Variants in HSD17B14 observed in about 807,000 individuals in gnomAD.
HSD17B14 encodes hydroxysteroid 17-beta dehydrogenase 14, also known as L-fucose dehydrogenase.
HSD17B14 carries 32 observed loss-of-function variants against 32.2 expected under a neutral mutation model. That is an observed-to-expected ratio of 0.99 (90% CI 0.75 to 1.33). The LOEUF (loss-of-function observed/expected upper bound fraction) is 1.33. Among genes scored for constraint, HSD17B14 ranks in the 40% most tolerant of loss-of-function variants. HSD17B14 has a pLI of 0.00. For synonymous variants in HSD17B14, 140 were observed against 155.4 expected (o/e 0.90, Z 0.74); for missense variants, 370 against 366.5 (o/e 1.01, Z -0.08).
At chr19:48,825,991 T>G (rs2035238807) in intron 5 of HSD17B14, among the ~76,000 whole-genome samples, 1 of 151,894 alleles carries the variant, frequency 6.6e-6, no homozygotes, top group Non-Finnish European at 1.5e-5. Context: ...CAGCTATTTT[T>G]TTGTATTTTT....
chr19:48,813,250 C>A lies in HSD17B14; in HGVS notation c.738G>T (p.Thr246=), dbSNP rs780594682. 10 of 1,609,004 alleles carry A rather than the reference C, an allele frequency of 6.2e-6. No homozygotes were observed. The highest frequency in any genetic ancestry group is 8.5e-6 in the Non-Finnish European group (10 of 1,177,964). Residue 246 remains threonine (T), a synonymous_variant, in exon 9 of 9, where the codon ACG becomes ACT. Coordinates refer to ENST00000263278, the MANE Select transcript of HSD17B14 (RefSeq NM_016246.3). ...NFCTGIELLV[T]GGAELGYGCK... Reference sequence around the variant, plus strand: ...ACCCGTACCCCAGCTCTGCACCCCCCGTCACGAGCAGTTCAATGCCCGTGC... The same window carrying A: ...ACCCGTACCCCAGCTCTGCACCCCCAGTCACGAGCAGTTCAATGCCCGTGC...
At chr19:48,817,150 C>G (rs2035071041) in intron 5 of HSD17B14, among the ~76,000 whole-genome samples, 1 of 138,516 alleles carries the variant, frequency 7.2e-6, no homozygotes, top group Non-Finnish European at 1.5e-5. Context: ...CCTGGCCTGT[C>G]TTTATTTTTT....
intron 3 of HSD17B14, among the ~76,000 whole-genome samples, chr19:48,833,948 C>T (rs1315484209): frequency 6.6e-6 from 1 of 152,168 alleles, no homozygotes. Context: ...CGAGATCACA[C>T]CACTGCACTC....
chr19:48,834,639 A>G (rs111711758), intron 2 of HSD17B14, among the ~76,000 whole-genome samples: 3 of 35,360 alleles, frequency 8.5e-5, no homozygotes, highest in Non-Finnish European at 1.3e-4. Context: ...AAGGGCTGGG[A>G]GCCTGGACTC....
chr19:48,825,101 G>T (rs1314814417), intron 5 of HSD17B14, among the ~76,000 whole-genome samples: 1 of 151,782 alleles, frequency 6.6e-6, no homozygotes, highest in Non-Finnish European at 1.5e-5. Flanking sequence ...AGCCAGGTGT[G>T]GTGGCGTGTG....
At chr19:48,815,218 C>A in intron 5 of HSD17B14, 77 bp from the exon 6 acceptor site, 5 of 1,109,184 alleles carry the variant, frequency 4.5e-6, no homozygotes, top group Non-Finnish European at 5.5e-6. Context: ...CACAGCCATC[C>A]TGATGTCTGG....
intron 5 of HSD17B14, among the ~76,000 whole-genome samples, chr19:48,816,250 T>C (rs2035049765): frequency 6.6e-6 from 1 of 152,078 alleles, no homozygotes; most frequent in African/African-American, 2.4e-5. Flanking sequence ...TAAGACTAAT[T>C]GGTACAAGGC....
intron 5 of HSD17B14, among the ~76,000 whole-genome samples, chr19:48,830,889 T>C (rs1031247144): frequency 1.9e-5 from 2 of 107,900 alleles, no homozygotes; most frequent in Non-Finnish European, 3.8e-5. Flanking sequence ...GCCCAGGCTG[T>C]ATGCAGTGGT....
intron 5 of HSD17B14, among the ~76,000 whole-genome samples, chr19:48,830,276 AG>A (rs2035315060): frequency 1.3e-5 from 2 of 152,112 alleles, no homozygotes; most frequent in Non-Finnish European, 2.9e-5. Flanking sequence ...CGCAGTTCCC[AG>A]GCAGTCGCCC....
At chr19:48,826,542 T>TATATATATATATACACACACAC in intron 5 of HSD17B14, among the ~76,000 whole-genome samples, 3 of 80,118 alleles carry the variant, frequency 3.7e-5, no homozygotes, top group African/African-American at 1.6e-4. Context: ...TATATATATA[T>TATATATATATATACACACACAC]ACACACACAC....
At chr19:48,821,665 GATA>G (rs1371071244) in intron 5 of HSD17B14, among the ~76,000 whole-genome samples, 4 of 145,896 alleles carry the variant, frequency 2.7e-5, no homozygotes, top group African/African-American at 1.0e-4. Context: ...TGATGATAGT[GATA>G]ATGATGATGA....
chr19:48,813,350 TG>T lies in HSD17B14; in HGVS notation c.640-3del. Reference sequence around the variant, plus strand: ...GGGCTGGCCCATGCGGCCCAGTGGCTGGGGAGAAAAGAGGGGGGAAGGAGGT... The same window carrying T: ...GGGCTGGCCCATGCGGCCCAGTGGCTGGGAGAAAAGAGGGGGGAAGGAGGT... On this transcript the variant is annotated splice_region_variant and splice_polypyrimidine_tract_variant and intron_variant, in intron 8 of 8. Coordinates refer to ENST00000263278, the MANE Select transcript of HSD17B14 (RefSeq NM_016246.3). The T allele has an allele frequency of 6.4e-7, 1 of 1,573,408 alleles. No homozygotes were observed.
rs2035198863 is a variant in HSD17B14, at chr19:48,823,857, T to C, written c.369+7811A>G. Among the ~76,000 whole-genome samples the C allele has an allele frequency of 2.7e-5, 4 of 146,550 alleles. No individual in the cohort carries two copies. In the Admixed American group the frequency reaches 2.7e-4, roughly 10 times the overall value. ...GGTTTCACCATGTTAGCCAGGCTGGTCTTGAACTCCTGACCTCAGGCAATC... is the reference window on the plus strand; with the variant it reads ...GGTTTCACCATGTTAGCCAGGCTGGCCTTGAACTCCTGACCTCAGGCAATC... On this transcript the variant is annotated intron_variant, in intron 5 of 8. Coordinates refer to ENST00000263278, the MANE Select transcript of HSD17B14 (RefSeq NM_016246.3).
intron 5 of HSD17B14, among the ~76,000 whole-genome samples, chr19:48,826,525 G>GAAAAAAAA (rs1418028808): frequency 2.3e-3 from 12 of 5,158 alleles, no homozygotes; most frequent in Non-Finnish European, 8.7e-3. Context: ...AAGAAAAGAA[G>GAAAAAAAA]AAAATATATA....
At chr19:48,833,859 GCA>G (rs2035394705) in intron 3 of HSD17B14, among the ~76,000 whole-genome samples, 1 of 148,062 alleles carries the variant, frequency 6.8e-6, no homozygotes, top group South Asian at 2.2e-4. Context: ...GCATGGTGGC[GCA>G]CACCTGTAAT....
intron 5 of HSD17B14, among the ~76,000 whole-genome samples, chr19:48,826,139 A>C (rs2035241442): frequency 6.6e-6 from 1 of 152,020 alleles, no homozygotes; most frequent in Non-Finnish European, 1.5e-5. Flanking sequence ...CAACTTTCTA[A>C]GAGAAACAAG....
At position 48,826,576 on chromosome 19, in the gene HSD17B14, T is replaced by C. The variant is rs771155136; in HGVS notation, c.369+5092A>G. On this transcript the variant is annotated intron_variant, in intron 5 of 8. Coordinates refer to ENST00000263278, the MANE Select transcript of HSD17B14 (RefSeq NM_016246.3). Reference sequence around the variant, plus strand: ...ACACACACACACACACACACACACATATATTAACTCTTCATGGGCTGAGGT... The same window carrying C: ...ACACACACACACACACACACACACACATATTAACTCTTCATGGGCTGAGGT... Among the ~76,000 whole-genome samples the C allele has an allele frequency of 6.8e-3, 763 of 111,884 alleles. 6 individuals are homozygous for C. Among genetic ancestry groups the C allele is most frequent in the African/African-American group, 0.023 (715 of 31,174 alleles). 73.4% of individuals were successfully genotyped at this position (111,884 alleles called of 152,430 possible). A position where few individuals can be genotyped will look rare whatever the true frequency, so the allele number is the denominator to read the frequency against.
In HSD17B14 at chr19:48,815,263, A is replaced by T. The variant is rs905871546; in HGVS notation, c.370-122T>A. ...CACCTCCCTGGCATGTTTCTAGTTG[A>T]TCTCAGTGACTGCTAGAGACGGCAT... On this transcript the variant is annotated intron_variant, in intron 5 of 8. Coordinates refer to ENST00000263278, the MANE Select transcript of HSD17B14 (RefSeq NM_016246.3). 21 of 734,556 alleles carry T rather than the reference A, an allele frequency of 2.9e-5. No individual in the cohort carries two copies. The African/African-American group carries it at 3.3e-4, about 12-fold the overall frequency. The allele number at this position is 734,556 out of a possible 1,614,324, so 45.5% of individuals were successfully genotyped here.
In HSD17B14 at chr19:48,834,630, A is replaced by G. The variant is rs1417306790; in HGVS notation, c.128-272T>C. Among the ~76,000 whole-genome samples, 16 of 43,270 alleles carry G rather than the reference A, an allele frequency of 3.7e-4. 1 individual carries two copies. Among genetic ancestry groups the G allele is most frequent in the Middle Eastern group, 0.011 (1 of 88 alleles). The allele number at this position is 43,270 out of a possible 152,430, so 28.4% of individuals were successfully genotyped here. A position where few individuals can be genotyped will look rare whatever the true frequency, so the allele number is the denominator to read the frequency against. On this transcript the variant is annotated intron_variant, in intron 2 of 8. Coordinates refer to ENST00000263278, the MANE Select transcript of HSD17B14 (RefSeq NM_016246.3). ...CTGGACTCCTGGGTCTGAGGGAGGA[A>G]GGGCTGGGAGCCTGGACTCCTGGGT...
Sources: allele counts gnomAD v4.1 joint callset (sites outside exome capture counted in the v4.1 genomes callset), GRCh38; gene constraint gnomAD v4.1.1; transcripts MANE v1.5; gene names NCBI Gene and HGNC (gene_info 2026-07-23, HGNC 2026-07-21).